Variants in FAM124A observed in about 807,000 individuals in gnomAD.
FAM124A encodes the protein protein FAM124A.
Under a neutral mutation model 24.5 loss-of-function variants are expected in FAM124A, and 23 were observed. The observed-to-expected ratio is 0.94, with a 90% CI of 0.68 to 1.33. The LOEUF (loss-of-function observed/expected upper bound fraction) is 1.33, where lower values mean the gene tolerates loss of function less well. Ranked by LOEUF, FAM124A falls within the 40% of genes most tolerant of loss-of-function variation. FAM124A has a pLI of 0.00. For missense variants in FAM124A, 623 were observed against 722.8 expected (o/e 0.86, Z 1.58); for synonymous variants, 287 against 314.7 (o/e 0.91, Z 0.93).
intron 3 of FAM124A, among the ~76,000 whole-genome samples, chr13:51,278,951 A>G (rs146588865): frequency 4.7e-4 from 71 of 152,258 alleles, no homozygotes; most frequent in African/African-American, 1.7e-3. Context: ...TCATAAAGCA[A>G]CCACAAAGGC....
At chr13:51,259,597 G>T (rs1045257301) in intron 3 of FAM124A, among the ~76,000 whole-genome samples, 115 of 152,234 alleles carry the variant, frequency 7.6e-4, no homozygotes, top group African/African-American at 2.7e-3. Context: ...ACTGAGATCT[G>T]TGGGAAGAAT....
intron 3 of FAM124A, among the ~76,000 whole-genome samples, chr13:51,277,210 A>G (rs1441927185): frequency 6.6e-6 from 1 of 152,182 alleles, no homozygotes; most frequent in Non-Finnish European, 1.5e-5. Flanking sequence ...ATTATCTTAA[A>G]TGAAATAACT....
intron 3 of FAM124A, among the ~76,000 whole-genome samples, chr13:51,270,415 A>T (rs1954829667): frequency 6.6e-6 from 1 of 152,116 alleles, no homozygotes; most frequent in South Asian, 2.1e-4. Flanking sequence ...CACTTCAAAG[A>T]TGGGATTTTT....
chr13:51,241,528 C>A (rs943224655), intron 2 of FAM124A, among the ~76,000 whole-genome samples: 2 of 152,110 alleles, frequency 1.3e-5, no homozygotes, highest in Non-Finnish European at 2.9e-5. Flanking sequence ...TCTAGACCCA[C>A]CATTGACAAG....
In FAM124A at chr13:51,280,805, A is replaced by G. The variant is rs770974094; in HGVS notation, c.1190A>G (p.His397Arg). 6.2e-6 allele frequency: 10 copies of G among 1,614,176 alleles called. No individual in the cohort carries two copies. Among genetic ancestry groups the G allele is most frequent in the Non-Finnish European group, 7.6e-6 (9 of 1,180,042 alleles). The change falls in exon 4 of 4, where the codon CAT becomes CGT. Residue 397 changes from histidine (H) to arginine (R), a missense_variant. Transcript: ENST00000322475. Reference protein sequence around the residue: ...APGHRASEWRHGHLLSIDDLE... With the variant: ...APGHRASEWRRGHLLSIDDLE... ...GGGCACAGGGCATCAGAGTGGAGGC[A>G]TGGCCACCTCCTCTCCATCGATGAC...
At chr13:51,252,565 CT>C (rs1184993539) in intron 3 of FAM124A, 1 of 264,708 alleles carries the variant, frequency 3.8e-6, no homozygotes, top group African/African-American at 2.2e-5. Flanking sequence ...TGCCCATGTA[CT>C]TAGAGAGTTT....
intron 2 of FAM124A, among the ~76,000 whole-genome samples, chr13:51,239,238 C>T (rs1410666051): frequency 6.6e-6 from 1 of 152,152 alleles, no homozygotes; most frequent in Non-Finnish European, 1.5e-5. Context: ...AATACATAGT[C>T]ATTGCAGAAA....
At chr13:51,248,051 T>TA (rs753183229) in intron 2 of FAM124A, among the ~76,000 whole-genome samples, 39 of 152,158 alleles carry the variant, frequency 2.6e-4, no homozygotes, top group Non-Finnish European at 4.7e-4. Context: ...GATAACTGCA[T>TA]ACAAATGAGA....
Position 51,280,673 on chromosome 13 carries a change from C to A in FAM124A, c.1058C>A (p.Pro353His), listed in dbSNP as rs770085628. ...FAGRANSTPNPPWSFQRSKSL... is the reference protein window; with the variant it reads ...FAGRANSTPNHPWSFQRSKSL... ...GGACGAGCCAACAGCACCCCCAACC[C>A]TCCCTGGTCTTTCCAGAGAAGCAAG... The change falls in exon 4 of 4, where the codon CCT (proline) becomes CAT (histidine). Residue 353 changes from proline (P) to histidine (H), a missense_variant. Coordinates refer to ENST00000322475, the MANE Select transcript of FAM124A (RefSeq NM_001242312.2). The A allele has an allele frequency of 6.2e-7, 1 of 1,614,214 alleles. No homozygotes were observed. Among genetic ancestry groups the A allele is most frequent in the Non-Finnish European group, 8.5e-7 (1 of 1,180,050 alleles).
chr13:51,227,311 C>T (rs181628224), intron 1 of FAM124A: 3 of 152,298 alleles, frequency 2.0e-5, no homozygotes, highest in African/African-American at 7.2e-5. Flanking sequence ...CCTGGATCTC[C>T]AGTATGCTTC....
chr13:51,272,832 C>A lies in FAM124A; in HGVS notation c.835-7618C>A, dbSNP rs1473054866. On this transcript the variant is annotated intron_variant, in intron 3 of 3. Transcript: ENST00000322475. The surrounding 1 kb of genome is among the most constrained non-coding windows in gnomAD (Gnocchi z 4.2). ...GCCAGGTTCCTAACACCTGCCCAGG[C>A]AGGAGGCTGAGGGAGTCCCCTCTCG... is the stretch of plus-strand genomic sequence containing the variant. Among the ~76,000 whole-genome samples, 1 of 152,194 alleles carries A rather than the reference C, an allele frequency of 6.6e-6. No homozygotes were observed. Among genetic ancestry groups the A allele is most frequent in the Non-Finnish European group, 1.5e-5 (1 of 68,028 alleles).
intron 2 of FAM124A, among the ~76,000 whole-genome samples, chr13:51,249,712 T>C (rs1361692437): frequency 1.3e-5 from 2 of 152,346 alleles, no homozygotes; most frequent in Admixed American, 1.3e-4. Flanking sequence ...CTTTAGAATC[T>C]AGCCCCCACC....
At chr13:51,277,228 A>T (rs566759081) in intron 3 of FAM124A, among the ~76,000 whole-genome samples, 1 of 152,252 alleles carries the variant, frequency 6.6e-6, no homozygotes, top group Non-Finnish European at 1.5e-5. Context: ...ACTCAGAAAC[A>T]GAAAGTCAAA....
intron 3 of FAM124A, 124 bp from the exon 4 acceptor site, chr13:51,280,326 G>A (rs893769435): frequency 1.2e-6 from 1 of 834,546 alleles, no homozygotes; most frequent in African/African-American, 1.7e-5. Context: ...TGCAGAACTG[G>A]TAATGCTGGT....
chr13:51,277,430 T>C (rs1954895220), intron 3 of FAM124A, among the ~76,000 whole-genome samples: 1 of 152,186 alleles, frequency 6.6e-6, no homozygotes, highest in African/African-American at 2.4e-5. Flanking sequence ...CCAGACCTCA[T>C]CACTATGCAG....
At chr13:51,252,423 A>G (rs933897166) in intron 3 of FAM124A, 11 of 619,874 alleles carry the variant, frequency 1.8e-5, no homozygotes, top group Non-Finnish European at 3.0e-5. Flanking sequence ...ACTTTCAGCA[A>G]ACATGTTCCC....
intron 2 of FAM124A, among the ~76,000 whole-genome samples, chr13:51,249,068 A>G (rs1379023241): frequency 2.0e-5 from 3 of 152,152 alleles, no homozygotes; most frequent in Non-Finnish European, 2.9e-5. Flanking sequence ...ATCTGTTGCC[A>G]TGTCCCAGAA....
chr13:51,275,434 G>T (rs1337090158), intron 3 of FAM124A, among the ~76,000 whole-genome samples: 1 of 152,094 alleles, frequency 6.6e-6, no homozygotes, highest in East Asian at 1.9e-4. Context: ...AAGAAAAAAA[G>T]ATAAATGACT....
At chr13:51,246,399 T>TGGGCGGGGG (rs1555273658) in intron 2 of FAM124A, among the ~76,000 whole-genome samples, 3 of 91,890 alleles carry the variant, frequency 3.3e-5, no homozygotes, top group African/African-American at 6.3e-5. Flanking sequence ...ATGTTTCTCG[T>TGGGCGGGGG]GGGGTGGGGG....
Sources: gnomAD v4.1 joint callset for allele counts (sites outside exome capture counted in the v4.1 genomes callset) on GRCh38, gnomAD v4.1.1 for gene constraint, Gnocchi (gnomAD v3.1) non-coding constraint, MANE v1.5 for transcripts, NCBI Gene and HGNC (gene_info 2026-07-23, HGNC 2026-07-21) for gene names.